Variants in PREX2 observed in about 807,000 individuals in gnomAD.
PREX2 encodes the protein phosphatidylinositol-3,4,5-trisphosphate dependent Rac exchange factor 2, also known as phosphatidylinositol 3,4,5-trisphosphate-dependent Rac exchanger 2 protein.
PREX2 carries 107 observed loss-of-function variants against 203.2 expected under a neutral mutation model. The observed-to-expected ratio is 0.53, with a 90% confidence interval of 0.45 to 0.62. PREX2 has a LOEUF of 0.62. Among genes scored for constraint, PREX2 ranks in the 20% least tolerant of loss-of-function variants. The pLI, the probability that PREX2 is intolerant of heterozygous loss-of-function variation, is 0.00. For missense variants in PREX2, 1,777 were observed against 1,955.9 expected (o/e 0.91, Z 1.72); for synonymous variants, 672 against 663.6 (o/e 1.01, Z -0.19).
At chr8:68,220,078 T>A (rs910556732) in intron 38 of PREX2, 1 of 151,810 alleles carries the variant, frequency 6.6e-6, no homozygotes, top group Non-Finnish European at 1.5e-5. Context: ...AATAATATAA[T>A]GAAAAAACTA....
At chr8:68,116,026 T>G in intron 26 of PREX2, 94 bp downstream of exon 26, 1 of 1,060,068 alleles carries the variant, frequency 9.4e-7, no homozygotes, top group Non-Finnish European at 1.4e-6. Flanking sequence ...TTTGATTGTT[T>G]TTCTTTTAAT....
At chr8:68,129,183 G>A (rs1348189356) in intron 31 of PREX2, among the ~76,000 whole-genome samples, 1 of 152,192 alleles carries the variant, frequency 6.6e-6, no homozygotes, top group Non-Finnish European at 1.5e-5. Flanking sequence ...GCATCTAGAA[G>A]GTTAGGCATA....
At chr8:68,093,354 C>T (rs1809944555) in intron 20 of PREX2, among the ~76,000 whole-genome samples, 2 of 137,448 alleles carry the variant, frequency 1.5e-5, no homozygotes, top group South Asian at 4.5e-4. Flanking sequence ...TGCACCATTG[C>T]ACTCCAGCCT....
Position 68,095,534 on chromosome 8 carries a change from T to TAC in PREX2, c.2369-1482_2369-1481insCA, listed in dbSNP as rs1410235506. Among the ~76,000 whole-genome samples, 87 of 146,220 alleles carry TAC rather than the reference T, an allele frequency of 5.9e-4. 1 individual carries two copies. Among genetic ancestry groups the TAC allele is most frequent in the African/African-American group, 1.6e-3 (61 of 37,916 alleles). ...ATACATACATACATACATACATACA[T>TAC]ATATGTGTGTGTGTGTGTGTGTGTA... On this transcript the variant is annotated intron_variant, in intron 21 of 39. Transcript: ENST00000288368.
At chr8:68,043,255 G>A (rs1194744642) in intron 7 of PREX2, among the ~76,000 whole-genome samples, 2 of 152,120 alleles carry the variant, frequency 1.3e-5, no homozygotes, top group African/African-American at 4.8e-5. Context: ...AACATGGGGA[G>A]TGCAAGGTGA....
rs182331008 is a variant in PREX2 at position 68,177,910 on chromosome 8, T to C, written c.4347-13812T>C. Among the ~76,000 whole-genome samples the C allele has an allele frequency of 1.4e-3, 219 of 152,286 alleles. 1 individual carries two copies. Among genetic ancestry groups the C allele is most frequent in the African/African-American group, 5.0e-3 (206 of 41,560 alleles). On this transcript the variant is annotated intron_variant, in intron 35 of 39. Coordinates refer to ENST00000288368, the MANE Select transcript of PREX2 (RefSeq NM_024870.4). ...CAGTGTTTGGTTTTCTGTTCTGGCA[T>C]TAGTTTGCTGAGGCTAATGGCTTCC...
At chr8:67,975,870 ATTTT>A (rs35288660) in intron 1 of PREX2, among the ~76,000 whole-genome samples, 3 of 133,172 alleles carry the variant, frequency 2.3e-5, no homozygotes, top group Non-Finnish European at 4.8e-5. Context: ...TGCCCGGCTA[ATTTT>A]TTTTTTTTTT....
intron 23 of PREX2, among the ~76,000 whole-genome samples, chr8:68,107,679 A>G (rs989895122): frequency 2.6e-5 from 4 of 152,106 alleles, no homozygotes; most frequent in African/African-American, 9.7e-5. Flanking sequence ...GGGACATCCC[A>G]TCTTCCTCCA....
At chr8:68,089,966 T>C (rs936191659) in intron 19 of PREX2, among the ~76,000 whole-genome samples, 1 of 152,202 alleles carries the variant, frequency 6.6e-6, no homozygotes, top group Non-Finnish European at 1.5e-5. Context: ...TAAATCTATA[T>C]CAATGCAAAC....
At chr8:68,113,993 C>CT (rs1415604831) in intron 25 of PREX2, among the ~76,000 whole-genome samples, 4 of 152,094 alleles carry the variant, frequency 2.6e-5, no homozygotes, top group Non-Finnish European at 5.9e-5. Context: ...TCCTGAGTAG[C>CT]TGGGACTACA....
intron 37 of PREX2, among the ~76,000 whole-genome samples, chr8:68,204,869 G>T: frequency 6.6e-6 from 1 of 151,328 alleles, no homozygotes; most frequent in East Asian, 1.9e-4. Context: ...TTTTAGTAGA[G>T]ACGGGGTTTC....
At chr8:68,088,567 G>A (rs549384533) in intron 19 of PREX2, among the ~76,000 whole-genome samples, 2 of 152,138 alleles carry the variant, frequency 1.3e-5, no homozygotes, top group East Asian at 1.9e-4. Flanking sequence ...TTTTAAGAGG[G>A]CATTTTTATC....
rs150965601 is a variant in PREX2 at position 68,128,791 on chromosome 8, A to T, written c.3766+1372A>T. Among the ~76,000 whole-genome samples the T allele has an allele frequency of 5.8e-3, 890 of 152,294 alleles. 5 individuals carry two copies. The highest frequency in any genetic ancestry group is 8.0e-3 in the Non-Finnish European group (544 of 68,018). On this transcript the variant is annotated intron_variant, in intron 31 of 39. Coordinates refer to ENST00000288368, the MANE Select transcript of PREX2 (RefSeq NM_024870.4). ...CTACTTTTGAAGGAAAGGGTCTCAA[A>T]ATTACATTACAAGAGTGTGGATACA...
intron 35 of PREX2, among the ~76,000 whole-genome samples, chr8:68,178,146 T>C (rs1246427439): frequency 6.6e-6 from 1 of 152,168 alleles, no homozygotes; most frequent in Non-Finnish European, 1.5e-5. Context: ...TACCCAGTAA[T>C]GGGATTGCTG....
rs1810741273 is a variant in PREX2, at chr8:68,120,180, T to G, written c.3505-16T>G. On this transcript the variant is annotated splice_polypyrimidine_tract_variant and intron_variant, in intron 28 of 39. Coordinates refer to ENST00000288368, the MANE Select transcript of PREX2 (RefSeq NM_024870.4). ...CTATGAGAAATATGTAACTCGGAAATCTCTACTATTGATAGGTGGATTCAA... is the reference window on the plus strand; with the variant it reads ...CTATGAGAAATATGTAACTCGGAAAGCTCTACTATTGATAGGTGGATTCAA... 6.5e-7 allele frequency: 1 copy of G among 1,534,432 alleles called. No homozygotes were observed. Among genetic ancestry groups the G allele is most frequent in the African/African-American group, 1.4e-5 (1 of 73,424 alleles).
At chr8:68,087,551 G>A (rs1429605546) in intron 18 of PREX2, among the ~76,000 whole-genome samples, 173 bp from the exon 19 acceptor site, 2 of 152,164 alleles carry the variant, frequency 1.3e-5, no homozygotes, top group South Asian at 4.1e-4. Context: ...TAGAAACACT[G>A]TATTGCATGA....
intron 24 of PREX2, chr8:68,108,908 A>G (rs942703717): frequency 1.4e-5 from 4 of 294,630 alleles, no homozygotes; most frequent in Non-Finnish European, 2.7e-5. Flanking sequence ...ACATAAATGA[A>G]CCTGGAAGAT....
chr8:68,025,473 G>A (rs1262873844), intron 4 of PREX2, among the ~76,000 whole-genome samples: 2 of 151,972 alleles, frequency 1.3e-5, no homozygotes, highest in Admixed American at 6.6e-5. Flanking sequence ...TCAATGATGT[G>A]TTTATGTGTG....
At chr8:68,094,366 C>A (rs1192288736) in intron 21 of PREX2, among the ~76,000 whole-genome samples, 1 of 152,096 alleles carries the variant, frequency 6.6e-6, no homozygotes, top group Non-Finnish European at 1.5e-5. Context: ...GAGAGAGAAA[C>A]AGAGAGAGAG....
Sources: gnomAD v4.1 joint callset for allele counts (sites outside exome capture counted in the v4.1 genomes callset) on GRCh38, gnomAD v4.1.1 for gene constraint, MANE v1.5 for transcripts, NCBI Gene and HGNC (gene_info 2026-07-23, HGNC 2026-07-21) for gene names.